Variants in PLCG2 observed in about 807,000 individuals in gnomAD.
PLCG2 encodes phospholipase C gamma 2, also known as 1-phosphatidylinositol 4,5-bisphosphate phosphodiesterase gamma-2.
A neutral mutation model predicts 175.6 loss-of-function variants in PLCG2; 69 were observed. The observed-to-expected ratio is 0.39, with a 90% CI of 0.32 to 0.48. The LOEUF (loss-of-function observed/expected upper bound fraction) is 0.48, where lower values mean the gene tolerates loss of function less well. Ranked by LOEUF, PLCG2 falls within the 20% of genes least tolerant of loss-of-function variation. The pLI is 0.91. For missense variants in PLCG2, 1,798 were observed against 1,650.9 expected, an observed-to-expected ratio of 1.09 and a Z score of -1.54; for synonymous variants, 827 against 624.0, an observed-to-expected ratio of 1.33 and a Z score of -4.85.
chr16:81,875,547 C>G (rs1907739585), intron 7 of PLCG2, among the ~76,000 whole-genome samples: 1 of 152,174 alleles, frequency 6.6e-6, no homozygotes, highest in African/African-American at 2.4e-5. Flanking sequence ...CATGTATCAT[C>G]AGCTGACTTC....
At chr16:81,817,104 T>C (rs1904586692) in intron 2 of PLCG2, among the ~76,000 whole-genome samples, 1 of 151,968 alleles carries the variant, frequency 6.6e-6, no homozygotes, top group South Asian at 2.1e-4. Flanking sequence ...AGACGGATGG[T>C]AAACAGGGAG....
At chr16:81,895,572 AAT>A (rs1908843977) in intron 12 of PLCG2, 2 of 461,616 alleles carry the variant, frequency 4.3e-6, no homozygotes, top group Non-Finnish European at 7.8e-6. Flanking sequence ...AAAAAAAAAA[AAT>A]GAAAAAAAAA....
chr16:81,887,643 T>G (rs895002312), intron 9 of PLCG2, among the ~76,000 whole-genome samples: 1 of 152,240 alleles, frequency 6.6e-6, no homozygotes, highest in Non-Finnish European at 1.5e-5. Flanking sequence ...TTCTTCTATT[T>G]TTCATTGTTT....
At chr16:81,953,551 C>T (rs1911451318) in intron 31 of PLCG2, among the ~76,000 whole-genome samples, 1 of 152,098 alleles carries the variant, frequency 6.6e-6, no homozygotes, top group Non-Finnish European at 1.5e-5. Flanking sequence ...GATTTTGTCT[C>T]AGGCCAGGTA....
In PLCG2 at chr16:81,960,913, C is replaced by G. The variant is rs1911756448; in HGVS notation, c.*2915C>G. On this transcript the variant is annotated 3_prime_UTR_variant, in exon 33 of 33. Transcript: ENST00000564138. Reference sequence around the variant, plus strand: ...TGTTATATTCTTCTCTAAGATTCATCTGCCTGAGAAAATGCCCTTTTCTCA... The same window carrying G: ...TGTTATATTCTTCTCTAAGATTCATGTGCCTGAGAAAATGCCCTTTTCTCA... 1.3e-5 allele frequency: 3 copies of G among 229,218 alleles called. No individual in the cohort carries two copies. The East Asian group carries it at 1.9e-4, about 14-fold the overall frequency. 14.2% of individuals were successfully genotyped at this position (229,218 alleles called of 1,614,324 possible).
intron 2 of PLCG2, among the ~76,000 whole-genome samples, chr16:81,770,885 C>T (rs752002846): frequency 3.3e-5 from 5 of 151,640 alleles, no homozygotes; most frequent in Admixed American, 6.6e-5. Context: ...GGTGAAATCC[C>T]ATCTCTACTA....
chr16:81,836,962 C>T (rs1047908532), intron 2 of PLCG2, among the ~76,000 whole-genome samples: 1 of 152,148 alleles, frequency 6.6e-6, no homozygotes, highest in African/African-American at 2.4e-5. Flanking sequence ...TCCCTTTCCT[C>T]CTGTTTGGTT....
At chr16:81,888,826 C>T (rs905381309) in intron 9 of PLCG2, among the ~76,000 whole-genome samples, 1 of 152,310 alleles carries the variant, frequency 6.6e-6, no homozygotes. Flanking sequence ...TAGCTGACCA[C>T]TTGTTTTTAT....
At chr16:81,857,760 G>T (rs1906758466) in intron 3 of PLCG2, among the ~76,000 whole-genome samples, 1 of 152,158 alleles carries the variant, frequency 6.6e-6, no homozygotes, top group Admixed American at 6.5e-5. Flanking sequence ...TATGAATTCG[G>T]AAGGAATGCA....
chr16:81,946,097 C>T, intron 30 of PLCG2, 78 bp from the exon 31 acceptor site: 1 of 1,083,030 alleles, frequency 9.2e-7, no homozygotes, highest in Admixed American at 1.7e-5. Flanking sequence ...GCCTATGATC[C>T]CGAGGTAGCC....
At chr16:81,824,613 G>C (rs958429697) in intron 2 of PLCG2, among the ~76,000 whole-genome samples, 1 of 152,184 alleles carries the variant, frequency 6.6e-6, no homozygotes, top group Non-Finnish European at 1.5e-5. Flanking sequence ...AGATAACGGG[G>C]TGTGGGAGAG....
At chr16:81,876,231 C>T (rs996574784) in intron 7 of PLCG2, among the ~76,000 whole-genome samples, 3 of 151,932 alleles carry the variant, frequency 2.0e-5, no homozygotes, top group East Asian at 1.9e-4. Flanking sequence ...CCATGTTACC[C>T]AGGCTAGGCT....
intron 2 of PLCG2, among the ~76,000 whole-genome samples, chr16:81,849,373 C>T (rs561711244): frequency 2.0e-5 from 3 of 152,232 alleles, no homozygotes; most frequent in African/African-American, 4.8e-5. Flanking sequence ...CTGGCTATTG[C>T]TGGAAGACAA....
chr16:81,885,361 C>A (rs904104835), intron 9 of PLCG2, among the ~76,000 whole-genome samples: 38 of 152,022 alleles, frequency 2.5e-4, no homozygotes, highest in Non-Finnish European at 5.6e-4. Context: ...ACAGGATTTC[C>A]CCATGTTGCT....
At chr16:81,854,096 G>T (rs1367052186) in intron 2 of PLCG2, among the ~76,000 whole-genome samples, 2 of 150,822 alleles carry the variant, frequency 1.3e-5, no homozygotes, top group African/African-American at 2.4e-5. Flanking sequence ...TTGGTCTCTT[G>T]TTTTTTTTTG....
At chr16:81,911,080 G>A (rs1243600784) in intron 18 of PLCG2, among the ~76,000 whole-genome samples, 1 of 152,082 alleles carries the variant, frequency 6.6e-6, no homozygotes, top group Non-Finnish European at 1.5e-5. Context: ...ATGATTATAA[G>A]AGTCTCCCGC....
At chr16:81,745,657 G>C (rs756274474) in intron 1 of PLCG2, among the ~76,000 whole-genome samples, 1 of 152,196 alleles carries the variant, frequency 6.6e-6, no homozygotes, top group Non-Finnish European at 1.5e-5. Context: ...TGGGCAGTCT[G>C]GTAGCTTCTG....
intron 2 of PLCG2, among the ~76,000 whole-genome samples, chr16:81,815,040 T>C (rs1303222531): frequency 1.3e-5 from 2 of 152,336 alleles, no homozygotes; most frequent in East Asian, 1.9e-4. Context: ...CTGACAAATC[T>C]TCCAAGGCAA....
intron 2 of PLCG2, among the ~76,000 whole-genome samples, chr16:81,846,720 C>G (rs1315373658): frequency 6.6e-6 from 1 of 152,138 alleles, no homozygotes; most frequent in Non-Finnish European, 1.5e-5. Context: ...TCTATAGATT[C>G]AACACAATCC....
Sources: allele counts gnomAD v4.1 joint callset (sites outside exome capture counted in the v4.1 genomes callset), GRCh38; gene constraint gnomAD v4.1.1; transcripts MANE v1.5; gene names NCBI Gene and HGNC (gene_info 2026-07-23, HGNC 2026-07-21).